The following CADPS variants were observed in gnomAD, a reference collection of about 807,000 sequenced individuals.
CADPS encodes the protein calcium dependent secretion activator.
CADPS carries 57 observed loss-of-function variants against 167.3 expected under a neutral mutation model. The observed-to-expected ratio is 0.34, with a 90% confidence interval of 0.28 to 0.42. The LOEUF (loss-of-function observed/expected upper bound fraction) is 0.42, where lower values mean the gene tolerates loss of function less well. CADPS is among the 20% of genes least tolerant of loss of function. CADPS has a pLI of 1.00. For synonymous variants in CADPS, 676 were observed against 635.3 expected, an observed-to-expected ratio of 1.06 and a Z score of -0.96; for missense variants, 1,414 against 1,738.1, an observed-to-expected ratio of 0.81 and a Z score of 3.32.
At chr3:62,770,833 T>C (rs1559542669) in intron 1 of CADPS, among the ~76,000 whole-genome samples, 1 of 152,186 alleles carries the variant, frequency 6.6e-6, no homozygotes, top group Non-Finnish European at 1.5e-5. Flanking sequence ...CCAAAGTCAT[T>C]GCTCCCTCCA....
At chr3:62,754,209 C>T (rs1044160547) in intron 2 of CADPS, among the ~76,000 whole-genome samples, 2 of 152,312 alleles carry the variant, frequency 1.3e-5, no homozygotes, top group East Asian at 1.9e-4. Context: ...TAGTCTTGCT[C>T]TGTCACCTAG....
At chr3:62,585,365 C>T in intron 7 of CADPS, 41 bp from the exon 8 acceptor site, 1 of 1,578,016 alleles carries the variant, frequency 6.3e-7, no homozygotes, top group Non-Finnish European at 8.6e-7. Context: ...AAGAGAAGCA[C>T]CATTATGTTT....
chr3:62,733,455 C>A (rs1319532438), intron 3 of CADPS, among the ~76,000 whole-genome samples: 1 of 152,106 alleles, frequency 6.6e-6, no homozygotes, highest in Non-Finnish European at 1.5e-5. Flanking sequence ...AAATAATCTC[C>A]ATTTTAAAAG....
At chr3:62,408,114 T>C (rs1559983271) in intron 28 of CADPS, among the ~76,000 whole-genome samples, 1 of 152,212 alleles carries the variant, frequency 6.6e-6, no homozygotes, top group African/African-American at 2.4e-5. Context: ...ATCATTAATA[T>C]GCAGATACAC....
intron 3 of CADPS, among the ~76,000 whole-genome samples, chr3:62,708,008 C>T (rs543197360): frequency 5.9e-5 from 9 of 151,710 alleles, no homozygotes; most frequent in Admixed American, 5.9e-4. Flanking sequence ...TCACTTCAAC[C>T]TCTGCCCCCT....
intron 13 of CADPS, among the ~76,000 whole-genome samples, chr3:62,529,374 C>T (rs2073111381): frequency 6.6e-6 from 1 of 152,190 alleles, no homozygotes. Context: ...CCTTTCAACA[C>T]TGGCCATTTG....
At chr3:62,687,855 C>T (rs992067215) in intron 3 of CADPS, among the ~76,000 whole-genome samples, 1 of 150,842 alleles carries the variant, frequency 6.6e-6, no homozygotes, top group Non-Finnish European at 1.5e-5. Context: ...ACCTAAACTG[C>T]GTAATAATAC....
chr3:62,461,120 CA>C (rs1193480075), intron 26 of CADPS, among the ~76,000 whole-genome samples: 1 of 152,174 alleles, frequency 6.6e-6, no homozygotes, highest in Non-Finnish European at 1.5e-5. Context: ...TTAACCTTTC[CA>C]AGCCTTAGTT....
chr3:62,588,483 G>T (rs996644779), intron 7 of CADPS, among the ~76,000 whole-genome samples: 3 of 152,100 alleles, frequency 2.0e-5, no homozygotes, highest in Non-Finnish European at 1.5e-5. Flanking sequence ...GCAGGGTTGG[G>T]AAGGATGCAG....
intron 3 of CADPS, among the ~76,000 whole-genome samples, chr3:62,700,639 T>C (rs2081217893): frequency 6.6e-6 from 1 of 152,100 alleles, no homozygotes; most frequent in Admixed American, 6.6e-5. Flanking sequence ...GTTTACCTCT[T>C]GCCATACCTC....
At chr3:62,639,404 C>T (rs2066967470) in intron 6 of CADPS, among the ~76,000 whole-genome samples, 1 of 152,142 alleles carries the variant, frequency 6.6e-6, no homozygotes, top group Non-Finnish European at 1.5e-5. Context: ...AGCTGATTCT[C>T]AGGAAGCCTC....
chr3:62,550,919 T>C (rs2077221720), intron 10 of CADPS: 1 of 456,660 alleles, frequency 2.2e-6, no homozygotes, highest in Non-Finnish European at 4.4e-6. Flanking sequence ...ACCCTGACTT[T>C]CCTCCTACCA....
In CADPS at chr3:62,747,784, T is replaced by C. The variant is rs139782944; in HGVS notation, c.888+5657A>G. On this transcript the variant is annotated intron_variant, in intron 3 of 29. Transcript: ENST00000383710. ...ACAGATTATCGTCTTATCCTATTAG[T>C]TGGAGTGTGGATGTTATCCCTGCTG... 2.6e-5 allele frequency among the ~76,000 whole-genome samples: 4 copies of C among 152,290 alleles called. No individual in the cohort carries two copies. In the East Asian group the frequency reaches 5.8e-4, roughly 22 times the overall value.
intron 26 of CADPS, among the ~76,000 whole-genome samples, chr3:62,454,187 A>G (rs892022051): frequency 1.1e-4 from 16 of 152,246 alleles, no homozygotes; most frequent in African/African-American, 3.6e-4. Flanking sequence ...ATACTGACCA[A>G]GTCTTGACTC....
At chr3:62,402,437 C>A (rs1355100246) in intron 29 of CADPS, among the ~76,000 whole-genome samples, 1 of 152,052 alleles carries the variant, frequency 6.6e-6, no homozygotes, top group Non-Finnish European at 1.5e-5. Flanking sequence ...TGTATTTACC[C>A]CCTTCTGTGA....
chr3:62,454,748 T>C (rs6803785), intron 26 of CADPS, among the ~76,000 whole-genome samples: 38,831 of 151,602 alleles, frequency 0.26, 6,949 homozygotes, highest in African/African-American at 0.51. Context: ...AGAGCCGAGG[T>C]TTTCCTGCAA....
chr3:62,456,402 A>G lies in CADPS; in HGVS notation c.3636+8965T>C, dbSNP rs146053503. Among the ~76,000 whole-genome samples the G allele has an allele frequency of 5.3e-3, 802 of 152,326 alleles. 2 individuals are homozygous for G. Among genetic ancestry groups the G allele is most frequent in the Middle Eastern group, 0.01 (3 of 294 alleles). On this transcript the variant is annotated intron_variant, in intron 26 of 29. Transcript: ENST00000383710. ...TGAAAATAAATACAATATAACTAAA[A>G]TAATGGTAGTAAATTCTGGGTAGAC...
At chr3:62,761,424 A>G (rs565155771) in intron 2 of CADPS, among the ~76,000 whole-genome samples, 1 of 152,158 alleles carries the variant, frequency 6.6e-6, no homozygotes, top group East Asian at 1.9e-4. Flanking sequence ...AACAACACTC[A>G]CACACCCCAA....
chr3:62,496,760 T>C (rs765161820), intron 18 of CADPS, among the ~76,000 whole-genome samples: 7 of 152,190 alleles, frequency 4.6e-5, no homozygotes, highest in Non-Finnish European at 1.0e-4. Context: ...ACACCCTGCG[T>C]TCTATTGCTT....
Sources: allele counts gnomAD v4.1 joint callset (sites outside exome capture counted in the v4.1 genomes callset), GRCh38; gene constraint gnomAD v4.1.1; transcripts MANE v1.5; gene names NCBI Gene and HGNC (gene_info 2026-07-23, HGNC 2026-07-21).